DGKB: variants seen among roughly 807,000 people sequenced by gnomAD.
DGKB encodes the protein diacylglycerol kinase beta, also known as 90 kDa diacylglycerol kinase.
DGKB carries 67 observed loss-of-function variants against 114.3 expected under a neutral mutation model. The ratio of observed to expected loss-of-function variants is 0.59; its 90% CI spans 0.48 to 0.72. The LOEUF (loss-of-function observed/expected upper bound fraction) is 0.72, where lower values mean the gene tolerates loss of function less well. DGKB is among the 30% of genes least tolerant of loss of function. DGKB has a pLI of 0.00. For missense variants in DGKB, 907 were observed against 975.2 expected (o/e 0.93, Z 0.93); for synonymous variants, 398 against 323.1 (o/e 1.23, Z -2.49).
intron 20 of DGKB, among the ~76,000 whole-genome samples, chr7:14,518,592 T>C (rs1789230422): frequency 6.6e-6 from 1 of 152,108 alleles, no homozygotes; most frequent in Admixed American, 6.6e-5. Flanking sequence ...CAATCTCACA[T>C]TAAAAAATAA....
intron 1 of DGKB, among the ~76,000 whole-genome samples, chr7:14,916,033 T>C (rs1587374010): frequency 6.6e-6 from 1 of 152,068 alleles, no homozygotes; most frequent in Non-Finnish European, 1.5e-5. Flanking sequence ...GTAAGATGGA[T>C]GACAACAATG....
rs192682987 is a variant in DGKB at position 14,260,473 on chromosome 7, A to G, written c.2122+78042T>C. 9.2e-5 allele frequency among the ~76,000 whole-genome samples: 14 copies of G among 152,334 alleles called. No homozygotes were observed. The East Asian group carries it at 2.3e-3, about 25-fold the overall frequency. ...GCTGATCATCCAGCAGCACATGCCAATAAACTCAGACCTCAATAAGGCTGT... is the reference window on the plus strand; with the variant it reads ...GCTGATCATCCAGCAGCACATGCCAGTAAACTCAGACCTCAATAAGGCTGT... On this transcript the variant is annotated intron_variant, in intron 23 of 25. Coordinates refer to ENST00000402815, the MANE Select transcript of DGKB (RefSeq NM_001350709.2).
chr7:14,869,502 C>T (rs2041372), intron 1 of DGKB, among the ~76,000 whole-genome samples: 113,606 of 152,064 alleles, frequency 0.75, 42,936 homozygotes, highest in South Asian at 0.82. Context: ...AACTCATGTG[C>T]TATCATGGTA....
At chr7:14,657,002 ATG>A (rs1256635816) in intron 13 of DGKB, among the ~76,000 whole-genome samples, 4 of 151,742 alleles carry the variant, frequency 2.6e-5, no homozygotes, top group Non-Finnish European at 5.9e-5. Context: ...ATCTGAGACA[ATG>A]TAACAGATAA....
At chr7:14,425,060 C>T (rs1024425831) in intron 21 of DGKB, among the ~76,000 whole-genome samples, 3 of 152,012 alleles carry the variant, frequency 2.0e-5, no homozygotes, top group Admixed American at 6.6e-5. Context: ...TGATATAGAA[C>T]ATTAACAATA....
chr7:14,222,866 C>G (rs1315561261), intron 23 of DGKB, among the ~76,000 whole-genome samples: 3 of 151,424 alleles, frequency 2.0e-5, no homozygotes, highest in Non-Finnish European at 4.4e-5. Context: ...TTCTTATATC[C>G]TACTGAAGGA....
chr7:14,698,105 T>A lies in DGKB; in HGVS notation c.581A>T (p.Glu194Val). The A allele has an allele frequency of 6.5e-7, 1 of 1,543,856 alleles. No homozygotes were observed. The highest frequency in any genetic ancestry group is 8.8e-7 in the Non-Finnish European group (1 of 1,142,146). ...VAEYLEWDVT[E>V]LNPILHEMME... ...CATTCATATACCTACTGGATTAAGT[T>A]CAGTGACATCCCACTCAAGGTATTC... is the stretch of plus-strand genomic sequence containing the variant. The change falls in exon 8 of 26, where the codon GAA becomes GTA. Residue 194 changes from glutamate to valine, a missense_variant. Physicochemically the swap from Glu to Val is moderately radical, Grantham distance 121. Coordinates refer to ENST00000402815, the MANE Select transcript of DGKB (RefSeq NM_001350709.2).
At chr7:14,480,768 T>G (rs1782868650) in intron 20 of DGKB, among the ~76,000 whole-genome samples, 1 of 152,098 alleles carries the variant, frequency 6.6e-6, no homozygotes, top group Admixed American at 6.6e-5. Context: ...CACAACTTCC[T>G]TATCTTTAAA....
rs538959157 is a variant in DGKB at position 14,269,545 on chromosome 7, A to C, written c.2122+68970T>G. Among the ~76,000 whole-genome samples, 428 of 152,260 alleles carry C rather than the reference A, an allele frequency of 2.8e-3. 3 individuals are homozygous for C. The highest frequency in any genetic ancestry group is 9.8e-3 in the African/African-American group (408 of 41,546). On this transcript the variant is annotated intron_variant, in intron 23 of 25. Coordinates refer to ENST00000402815, the MANE Select transcript of DGKB (RefSeq NM_001350709.2). ...AGGCTATATTCTTACATTTATCTGAATTCACTATTTCCCTGACTCCACCTC... is the reference window on the plus strand; with the variant it reads ...AGGCTATATTCTTACATTTATCTGACTTCACTATTTCCCTGACTCCACCTC...
At chr7:14,156,830 A>C (rs1250026178) in intron 25 of DGKB, among the ~76,000 whole-genome samples, 1 of 152,178 alleles carries the variant, frequency 6.6e-6, no homozygotes, top group African/African-American at 2.4e-5. Flanking sequence ...CACCATTCAG[A>C]AATCATTCTG....
chr7:14,450,290 A>G (rs1324752994), intron 21 of DGKB, among the ~76,000 whole-genome samples: 1 of 152,134 alleles, frequency 6.6e-6, no homozygotes, highest in African/African-American at 2.4e-5. Flanking sequence ...GTAATAATCT[A>G]AAGACATGTA....
chr7:14,785,288 T>C (rs1839717675), intron 2 of DGKB, among the ~76,000 whole-genome samples: 1 of 152,158 alleles, frequency 6.6e-6, no homozygotes, highest in South Asian at 2.1e-4. Context: ...AAGTATTTTG[T>C]AAAAAGTATA....
At chr7:14,254,118 G>C (rs1207573299) in intron 23 of DGKB, among the ~76,000 whole-genome samples, 1 of 152,158 alleles carries the variant, frequency 6.6e-6, no homozygotes, top group Non-Finnish European at 1.5e-5. Context: ...ATATTCTATA[G>C]ATGAAAATTT....
chr7:14,239,081 A>G (rs944717055), intron 23 of DGKB, among the ~76,000 whole-genome samples: 6 of 151,878 alleles, frequency 4.0e-5, no homozygotes, highest in East Asian at 1.9e-4. Flanking sequence ...TTCATTTTGC[A>G]TTCGTGTTAG....
At chr7:14,969,618 G>A (rs1242147900) in intron 1 of DGKB, among the ~76,000 whole-genome samples, 1 of 152,092 alleles carries the variant, frequency 6.6e-6, no homozygotes, top group Non-Finnish European at 1.5e-5. Flanking sequence ...AACTAAGCAT[G>A]CGAGGGATCT....
intron 23 of DGKB, among the ~76,000 whole-genome samples, chr7:14,297,862 G>A (rs6976687): frequency 0.18 from 28,020 of 152,040 alleles, 3,040 homozygotes; most frequent in Non-Finnish European, 0.24. Flanking sequence ...CAAAGTCTCA[G>A]GATACAAAAT....
At chr7:14,289,961 A>C (rs1455211050) in intron 23 of DGKB, among the ~76,000 whole-genome samples, 1 of 152,164 alleles carries the variant, frequency 6.6e-6, no homozygotes, top group Non-Finnish European at 1.5e-5. Flanking sequence ...TGAACTACAA[A>C]CTCATTACTT....
chr7:14,906,874 G>C (rs1462605194), upstream of DGKB, among the ~76,000 whole-genome samples: 1 of 152,074 alleles, frequency 6.6e-6, no homozygotes, highest in Non-Finnish European at 1.5e-5. Context: ...ATTGGGAAAA[G>C]AAACAGTTCA....
chr7:14,754,874 C>A (rs1014142190), intron 3 of DGKB, among the ~76,000 whole-genome samples: 41 of 152,128 alleles, frequency 2.7e-4, no homozygotes, highest in African/African-American at 9.7e-4. Context: ...CTTCCCCTAA[C>A]CTTTCTCCTT....
Sources: gnomAD v4.1 joint callset for allele counts (sites outside exome capture counted in the v4.1 genomes callset) on GRCh38, gnomAD v4.1.1 for gene constraint, MANE v1.5 for transcripts, NCBI Gene and HGNC (gene_info 2026-07-23, HGNC 2026-07-21) for gene names.